The following FTCD variants were observed in gnomAD, a reference collection of about 807,000 sequenced individuals.
FTCD encodes the protein formimidoyltransferase-cyclodeaminase.
FTCD carries 76 observed loss-of-function variants against 62.9 expected under a neutral mutation model. The ratio of observed to expected loss-of-function variants is 1.21; its 90% CI spans 1.00 to 1.46. The LOEUF (loss-of-function observed/expected upper bound fraction) is 1.46, where lower values mean the gene tolerates loss of function less well. FTCD is among the 40% of genes most tolerant of loss of function. The pLI, the probability that FTCD is intolerant of heterozygous loss-of-function variation, is 0.00. For synonymous variants in FTCD, 397 were observed against 336.9 expected (o/e 1.18, Z -1.95); for missense variants, 845 against 751.3 (o/e 1.12, Z -1.46).
At chr21:46,138,794 C>T in intron 11 of FTCD, 86 bp downstream of exon 11, 1 of 1,434,984 alleles carries the variant, frequency 7.0e-7, no homozygotes, top group Non-Finnish European at 9.8e-7. Context: ...CAACCACGCC[C>T]CGTCACAGCA....
At chr21:46,149,972 G>A in intron 7 of FTCD, 147 bp downstream of exon 7, 1 of 835,512 alleles carries the variant, frequency 1.2e-6, no homozygotes, top group Non-Finnish European at 1.9e-6. Context: ...AAAATAAAAA[G>A]TGAAATCTCA....
At chr21:46,143,431 C>T (rs59690622) in intron 10 of FTCD, among the ~76,000 whole-genome samples, 1 of 151,310 alleles carries the variant, frequency 6.6e-6, no homozygotes, top group Non-Finnish European at 1.5e-5. Flanking sequence ...ACCGAGGGCA[C>T]GAGCTGTTTT....
intron 3 of FTCD, 113 bp from the exon 4 acceptor site, chr21:46,152,093 T>C: frequency 4.2e-6 from 3 of 718,392 alleles, no homozygotes; most frequent in Non-Finnish European, 7.1e-6. Context: ...GGGCCTCTAC[T>C]GCACCCTCTC....
chr21:46,144,383 T>TCC (rs2079079589), intron 10 of FTCD, among the ~76,000 whole-genome samples: 1 of 86,342 alleles, frequency 1.2e-5, no homozygotes, highest in African/African-American at 4.5e-5. Flanking sequence ...TCTCTCCCTC[T>TCC]CTCTCCCTCC....
At chr21:46,148,287 G>A (rs898725828) in intron 7 of FTCD, among the ~76,000 whole-genome samples, 4 of 152,162 alleles carry the variant, frequency 2.6e-5, no homozygotes, top group East Asian at 1.9e-4. Context: ...GGGAGTCGGC[G>A]TCTCTGAGGA....
At chr21:46,136,401 C>A (rs928880277), downstream of FTCD, 8 of 1,604,498 alleles carry the variant, frequency 5.0e-6, no homozygotes, top group African/African-American at 1.1e-4. Context: ...GGGCCAGTAC[C>A]GTGCTCTGTG....
Position 46,145,397 on chromosome 21 carries a change from C to A in FTCD, c.1260+20G>T. 6.5e-7 allele frequency: 1 copy of A among 1,532,870 alleles called. No individual in the cohort carries two copies. The highest frequency in any genetic ancestry group is 8.8e-7 in the Non-Finnish European group (1 of 1,137,814). 95.0% of individuals were successfully genotyped at this position (1,532,870 alleles called of 1,614,324 possible). On this transcript the variant is annotated intron_variant, in intron 10 of 13. Transcript: ENST00000397746. ...CGCTGTTGGTGGGGCCCGGGGAGCCCTGCTGTGGCCGCCACTCACCAGGTA... is the reference window on the plus strand; with the variant it reads ...CGCTGTTGGTGGGGCCCGGGGAGCCATGCTGTGGCCGCCACTCACCAGGTA...
In FTCD at chr21:46,145,491, G is replaced by A. The variant is rs776019281; in HGVS notation, c.1186C>T (p.Pro396Ser). 44 of 1,555,396 alleles carry A rather than the reference G, an allele frequency of 2.8e-5. 1 individual carries two copies. The highest frequency in any genetic ancestry group is 2.7e-4 in the African/African-American group (20 of 73,188). ...SLDTTMRRLI[P>S]PFREASAKLT... ...TTGGCCGAAGCCTCGCGGAAGGGCG[G>A]GATCAGGCGCCGCATCGTCGTGTCC... Residue 396 changes from proline (P) to serine (S), a missense_variant, in exon 10 of 14, where the codon CCG becomes TCG. Physicochemically the swap from Pro to Ser is moderately conservative, Grantham distance 74. Transcript: ENST00000397746.
chr21:46,138,475 G>A lies in FTCD; in HGVS notation c.1443+33C>T, dbSNP rs775507481. 33 of 1,563,012 alleles carry A rather than the reference G, an allele frequency of 2.1e-5. 1 individual carries two copies. Among genetic ancestry groups the A allele is most frequent in the Admixed American group, 5.5e-5 (3 of 54,778 alleles). On this transcript the variant is annotated intron_variant, in intron 12 of 13. Coordinates refer to ENST00000397746, the MANE Select transcript of FTCD (RefSeq NM_206965.2). ...CCCAACAGCTGCTTCCTGCTTTGCG[G>A]CAGGAGGCCTGGGGTCCCCCGGGCC...
At chr21:46,136,479 G>A (rs375943914), downstream of FTCD, 49 of 1,612,578 alleles carry the variant, frequency 3.0e-5, no homozygotes, top group African/African-American at 5.1e-4. Flanking sequence ...CGAAGGTCCT[G>A]CTGTCCCTGG....
chr21:46,146,164 G>A, intron 8 of FTCD, 102 bp downstream of exon 8: 1 of 892,368 alleles, frequency 1.1e-6, no homozygotes, highest in South Asian at 1.4e-5. Context: ...GAGGCGCTGG[G>A]AGGACTCAGC....
intron 9 of FTCD, 77 bp from the exon 10 acceptor site, chr21:46,145,655 G>A (rs1192646340): frequency 1.1e-5 from 12 of 1,107,320 alleles, no homozygotes; most frequent in African/African-American, 6.5e-5. Flanking sequence ...CCAGGGGCCC[G>A]GGTGATCCCT....
In FTCD at chr21:46,146,268, G is replaced by C; in HGVS notation, c.966C>G (p.Ile322Met). 2.5e-6 allele frequency: 4 copies of C among 1,597,462 alleles called. No homozygotes were observed. The highest frequency in any genetic ancestry group is 3.4e-6 in the Non-Finnish European group (4 of 1,169,760). Residue 322 changes from isoleucine (I) to methionine (M), a missense_variant and splice_region_variant, in exon 8 of 14, where the codon ATC becomes ATG. Coordinates refer to ENST00000397746, the MANE Select transcript of FTCD (RefSeq NM_206965.2). ...AGGGCGGGAGGGCAGAGGCTCACTC[G>C]ATGATCCGCTCCTTAGGGCTGAAGG... ...LCPFSPKERI[I>M]EYLVPERGPE... is the part of the protein sequence containing the mutation.
intron 7 of FTCD, among the ~76,000 whole-genome samples, chr21:46,148,863 A>G (rs1175502338): frequency 2.0e-5 from 3 of 152,206 alleles, no homozygotes; most frequent in Admixed American, 2.0e-4. Flanking sequence ...TCACTGGGAC[A>G]CTGAAGCAAT....
At position 46,137,275 on chromosome 21, in the gene FTCD, G is replaced by T; in HGVS notation, c.1503C>A (p.Asn501Lys). ...VFGAYFNVLI[N>K]LRDITDEAFK... ...ATGCCTCGTCTGTGATGTCCCTCAGGTTGATGAGCACGTTGAAATATGCGC... is the reference window on the plus strand; with the variant it reads ...ATGCCTCGTCTGTGATGTCCCTCAGTTTGATGAGCACGTTGAAATATGCGC... The change falls in exon 13 of 14, where the codon AAC (asparagine) becomes AAA (lysine). Residue 501 changes from asparagine to lysine, a missense_variant. By Grantham distance (94) the Asn-to-Lys change is moderately conservative. Transcript: ENST00000397746. The T allele has an allele frequency of 6.2e-7, 1 of 1,613,814 alleles. No homozygotes were observed. Among genetic ancestry groups the T allele is most frequent in the Admixed American group, 1.7e-5 (1 of 60,036 alleles).
chr21:46,145,873 C>T lies in FTCD; in HGVS notation c.1043G>A (p.Gly348Asp), dbSNP rs2079134894. 3.6e-6 allele frequency: 5 copies of T among 1,403,744 alleles called. No individual in the cohort carries two copies. Among genetic ancestry groups the T allele is most frequent in the Non-Finnish European group, 4.6e-6 (5 of 1,087,190 alleles). 87.0% of individuals were successfully genotyped at this position (1,403,744 alleles called of 1,614,324 possible). A position where few individuals can be genotyped will look rare whatever the true frequency, so the allele number is the denominator to read the frequency against. ...KSLRAFVGEV[G>D]ARSAAPGGGS... ...GCCCCCGGGGGCCGCAGAGCGGGCACCCACCTCCCCCACGAAGGCGCGCAG... is the reference window on the plus strand; with the variant it reads ...GCCCCCGGGGGCCGCAGAGCGGGCATCCACCTCCCCCACGAAGGCGCGCAG... Residue 348 changes from glycine to aspartate, a missense_variant, in exon 9 of 14, where the codon GGT becomes GAT. Transcript: ENST00000397746.
chr21:46,148,034 G>A (rs898757963), intron 7 of FTCD, among the ~76,000 whole-genome samples: 10 of 152,108 alleles, frequency 6.6e-5, no homozygotes, highest in African/African-American at 1.2e-4. Flanking sequence ...GTGGAGAAGC[G>A]ACAGCTGCTG....
intron 8 of FTCD, 69 bp from the exon 9 acceptor site, chr21:46,146,016 G>A: frequency 2.1e-6 from 2 of 965,786 alleles, no homozygotes; most frequent in Non-Finnish European, 3.0e-6. Flanking sequence ...TCCCGGGGCG[G>A]CCCCAGGCCC....
At chr21:46,138,336 C>T (rs1304170433) in intron 12 of FTCD, among the ~76,000 whole-genome samples, 172 bp downstream of exon 12, 1 of 152,182 alleles carries the variant, frequency 6.6e-6, no homozygotes, top group Non-Finnish European at 1.5e-5. Context: ...TCTTAGAAGG[C>T]AGCGGACACC....
Sources: gnomAD v4.1 joint callset for allele counts (sites outside exome capture counted in the v4.1 genomes callset) on GRCh38, gnomAD v4.1.1 for gene constraint, MANE v1.5 for transcripts, NCBI Gene and HGNC (gene_info 2026-07-23, HGNC 2026-07-21) for gene names.